SLC16A7: variants seen among roughly 807,000 people sequenced by gnomAD.
The protein encoded by SLC16A7 is solute carrier family 16 member 7, also known as monocarboxylate transporter 2.
SLC16A7 carries 33 observed loss-of-function variants against 34.9 expected under a neutral mutation model. The observed-to-expected ratio is 0.94, with a 90% CI of 0.72 to 1.26. The LOEUF is 1.26. Among genes scored for constraint, SLC16A7 ranks in the 50% most tolerant of loss-of-function variants. The probability of loss-of-function intolerance (pLI) is 0.00; values close to 1 mark genes in which losing one functional copy is unlikely to be tolerated. For missense variants in SLC16A7, 573 were observed against 578.1 expected (o/e 0.99, Z 0.09); for synonymous variants, 201 against 206.6 (o/e 0.97, Z 0.23).
At chr12:59,652,689 A>G (rs1868362656) in intron 1 of SLC16A7, among the ~76,000 whole-genome samples, 1 of 151,624 alleles carries the variant, frequency 6.6e-6, no homozygotes, top group South Asian at 2.1e-4. Context: ...GTTCCTTCTT[A>G]TATGTGTTAA....
intron 3 of SLC16A7, among the ~76,000 whole-genome samples, chr12:59,750,864 G>A (rs553692355): frequency 6.6e-6 from 1 of 152,254 alleles, no homozygotes; most frequent in African/African-American, 2.4e-5. Flanking sequence ...TATACACCAT[G>A]GAATACTATG....
intron 2 of SLC16A7, among the ~76,000 whole-genome samples, chr12:59,662,628 CTG>C (rs1868916394): frequency 6.6e-6 from 1 of 152,176 alleles, no homozygotes; most frequent in African/African-American, 2.4e-5. Flanking sequence ...ACCTCACTGT[CTG>C]TGTTTATCTC....
chr12:59,633,350 A>T (rs1369505627), intron 1 of SLC16A7, among the ~76,000 whole-genome samples: 6 of 151,992 alleles, frequency 3.9e-5, no homozygotes, highest in Non-Finnish European at 7.4e-5. Flanking sequence ...TGGACTACTA[A>T]TCATATCAGT....
intron 1 of SLC16A7, among the ~76,000 whole-genome samples, chr12:59,619,566 G>A (rs192081317): frequency 1.3e-5 from 2 of 152,068 alleles, no homozygotes; most frequent in Admixed American, 6.6e-5. Flanking sequence ...ACACCAGAAA[G>A]GCAGGTCTTT....
At chr12:59,777,018 C>T (rs1882824936) in intron 5 of SLC16A7, among the ~76,000 whole-genome samples, 1 of 152,042 alleles carries the variant, frequency 6.6e-6, no homozygotes, top group South Asian at 2.1e-4. Context: ...AGTTACCATG[C>T]ATGAGGGGAT....
intron 2 of SLC16A7, among the ~76,000 whole-genome samples, chr12:59,663,856 G>C (rs1868985104): frequency 6.6e-6 from 1 of 151,966 alleles, no homozygotes; most frequent in Non-Finnish European, 1.5e-5. Flanking sequence ...GTTATTACCT[G>C]GTTATTATTA....
chr12:59,775,308 C>CA lies in SLC16A7; in HGVS notation c.1015dup (p.Ser339LysfsTer17). 1 of 1,614,172 alleles carries CA rather than the reference C, an allele frequency of 6.2e-7. No homozygotes were observed. The highest frequency in any genetic ancestry group is 8.5e-7 in the Non-Finnish European group (1 of 1,180,004). The stretch of plus-strand genomic sequence containing the variant: ...TTGTGCCCACTGGCACAGGACTACA[C>CA]AAGCCTGGTATTATATGCTGTATTT... On this transcript the variant is annotated frameshift_variant, in exon 5 of 6. Transcript: ENST00000547379. LOFTEE classifies it high-confidence loss of function.
intron 1 of SLC16A7, among the ~76,000 whole-genome samples, chr12:59,613,280 T>C (rs1329301999): frequency 1.3e-5 from 2 of 152,192 alleles, no homozygotes; most frequent in Non-Finnish European, 2.9e-5. Context: ...ACTCACTCAC[T>C]ATCATGAGAA....
rs1371514945 is a variant in SLC16A7, at chr12:59,780,410, C to T, written c.*731C>T. 6.6e-6 allele frequency: 1 copy of T among 151,962 alleles called. No homozygotes were observed. The highest frequency in any genetic ancestry group is 1.9e-4 in the East Asian group (1 of 5,192). 9.4% of individuals were successfully genotyped at this position (151,962 alleles called of 1,614,324 possible). A position where few individuals can be genotyped will look rare whatever the true frequency, so the allele number is the denominator to read the frequency against. On this transcript the variant is annotated 3_prime_UTR_variant, in exon 6 of 6. Coordinates refer to ENST00000547379, the MANE Select transcript of SLC16A7 (RefSeq NM_001270623.2). ...CAAAGAAAAGAAAATCAATGTTAAA[C>T]CATTAAATCTGAGCACTGTTAGACT...
At chr12:59,727,149 G>T (rs1371874758) in intron 3 of SLC16A7, among the ~76,000 whole-genome samples, 2 of 109,716 alleles carry the variant, frequency 1.8e-5, no homozygotes, top group Admixed American at 8.2e-5. Context: ...ATATGAGATG[G>T]ACATATATAT....
At chr12:59,671,690 A>ATGTG (rs972227649) in intron 2 of SLC16A7, among the ~76,000 whole-genome samples, 3 of 130,552 alleles carry the variant, frequency 2.3e-5, no homozygotes, top group Non-Finnish European at 3.3e-5. Context: ...ATATATATAT[A>ATGTG]TGTGTGTGTG....
At chr12:59,737,983 T>G (rs1473191697) in intron 3 of SLC16A7, among the ~76,000 whole-genome samples, 1 of 152,204 alleles carries the variant, frequency 6.6e-6, no homozygotes, top group Non-Finnish European at 1.5e-5. Context: ...GAGATAATGA[T>G]CCATTCTCCT....
chr12:59,669,029 CTCTT>C (rs1869447536), intron 2 of SLC16A7, among the ~76,000 whole-genome samples: 1 of 152,186 alleles, frequency 6.6e-6, no homozygotes, highest in Non-Finnish European at 1.5e-5. Context: ...TCCATTAAAT[CTCTT>C]TCTTTTATAA....
At chr12:59,705,870 G>A (rs2137145326) in intron 3 of SLC16A7, among the ~76,000 whole-genome samples, 1 of 151,992 alleles carries the variant, frequency 6.6e-6, no homozygotes, top group East Asian at 1.9e-4. Flanking sequence ...ATTATCTTCT[G>A]TGATTTCTTA....
chr12:59,741,314 C>T (rs954699368), intron 3 of SLC16A7, among the ~76,000 whole-genome samples: 1 of 152,168 alleles, frequency 6.6e-6, no homozygotes, highest in African/African-American at 2.4e-5. Flanking sequence ...GCCCTTTATA[C>T]CTTGGAGCAC....
intron 2 of SLC16A7, among the ~76,000 whole-genome samples, chr12:59,657,658 A>C (rs1318366353): frequency 1.3e-5 from 2 of 151,984 alleles, no homozygotes; most frequent in Non-Finnish European, 1.5e-5. Context: ...GTGGTAGCAT[A>C]TATTTGATCA....
At chr12:59,774,356 A>G (rs571257616) in intron 4 of SLC16A7, among the ~76,000 whole-genome samples, 1 of 152,270 alleles carries the variant, frequency 6.6e-6, no homozygotes, top group South Asian at 2.1e-4. Context: ...GAGAACTAAT[A>G]ATTTTGTCCT....
chr12:59,784,786 G>A lies in SLC16A7; in HGVS notation c.*5107G>A, dbSNP rs190402893. On this transcript the variant is annotated 3_prime_UTR_variant, in exon 6 of 6. Coordinates refer to ENST00000547379, the MANE Select transcript of SLC16A7 (RefSeq NM_001270623.2). ...ATTACATACACATATAATTGAATATGATTTTAGAGTCTTGAAAAACTGATC... is the reference window on the plus strand; with the variant it reads ...ATTACATACACATATAATTGAATATAATTTTAGAGTCTTGAAAAACTGATC... The A allele has an allele frequency of 5.3e-5, 8 of 152,284 alleles. No homozygotes were observed. Among genetic ancestry groups the A allele is most frequent in the African/African-American group, 1.7e-4 (7 of 41,558 alleles). 9.4% of individuals were successfully genotyped at this position (152,284 alleles called of 1,614,324 possible). A position where few individuals can be genotyped will look rare whatever the true frequency, so the allele number is the denominator to read the frequency against.
At chr12:59,694,331 C>T (rs1872021845) in intron 2 of SLC16A7, among the ~76,000 whole-genome samples, 1 of 151,900 alleles carries the variant, frequency 6.6e-6, no homozygotes, top group South Asian at 2.1e-4. Context: ...AACTCTAAAA[C>T]ACTACCTTTT....
Sources: allele counts gnomAD v4.1 joint callset (sites outside exome capture counted in the v4.1 genomes callset), GRCh38; gene constraint gnomAD v4.1.1; transcripts MANE v1.5; gene names NCBI Gene and HGNC (gene_info 2026-07-23, HGNC 2026-07-21).